Variants in FRMPD4 observed in about 807,000 individuals in gnomAD.
FRMPD4 encodes FERM and PDZ domain containing 4, also known as FERM and PDZ domain-containing protein 4.
A neutral mutation model predicts 94.1 loss-of-function variants in FRMPD4; 22 were observed. The ratio of observed to expected loss-of-function variants is 0.23; its 90% confidence interval spans 0.17 to 0.33. FRMPD4 has a LOEUF of 0.33. FRMPD4 is among the 10% of genes least tolerant of loss of function. The probability of loss-of-function intolerance (pLI) is 1.00; values close to 1 mark genes in which losing one functional copy is unlikely to be tolerated. For synonymous variants in FRMPD4, 631 were observed against 548.6 expected (o/e 1.15, Z -2.10); for missense variants, 1,111 against 1,339.9 (o/e 0.83, Z 2.67).
chrX:12,427,925 T>TTTTTTTTTTTTTTTG (rs2056967654), intron 1 of FRMPD4, among the ~76,000 whole-genome samples: 1 of 61,621 alleles, frequency 1.6e-5, no homozygotes. Flanking sequence ...TTTTTTTTTT[T>TTTTTTTTTTTTTTTG]TTGAGACGGA....
At chrX:11,946,499 CTCTT>C (rs1004080832) in intron 3 of FRMPD4, among the ~76,000 whole-genome samples, 2 of 111,645 alleles carry the variant, frequency 1.8e-5, no homozygotes, top group African/African-American at 6.5e-5. Flanking sequence ...AGTTGTAACT[CTCTT>C]TCCAGAGTTG....
In FRMPD4 at chrX:11,874,859, T is replaced by A. The variant is rs958315292; in HGVS notation, c.-29-3036T>A. Among the ~76,000 whole-genome samples, 25 of 111,621 alleles carry A rather than the reference T, an allele frequency of 2.2e-4. 1 individual carries two copies. Among genetic ancestry groups the A allele is most frequent in the Admixed American group, 2.0e-3 (21 of 10,553 alleles). ...ATGGTGTTTTAGTGGCAGGGAATAT[T>A]GAAAAAAAACAACAATAACAAATGT... On this transcript the variant is annotated intron_variant, in intron 2 of 18. Transcript: ENST00000640291.
intron 1 of FRMPD4, among the ~76,000 whole-genome samples, chrX:11,845,497 G>C (rs1305706306): frequency 7.3e-5 from 8 of 109,255 alleles, no homozygotes; most frequent in African/African-American, 3.3e-5. Flanking sequence ...CCAATCAATA[G>C]AAAAAGAGGG....
chrX:12,592,979 T>G (rs2058996754), intron 2 of FRMPD4, among the ~76,000 whole-genome samples: 3 of 111,946 alleles, frequency 2.7e-5, no homozygotes, highest in South Asian at 7.5e-4. Context: ...CCCAGGCACC[T>G]TTCTCCTCAA....
intron 4 of FRMPD4, among the ~76,000 whole-genome samples, chrX:12,634,560 A>G (rs2059425045): frequency 8.9e-6 from 1 of 111,872 alleles, no homozygotes; most frequent in Non-Finnish European, 1.9e-5. Context: ...TGATAATTTC[A>G]AAACTGAATA....
In FRMPD4 at chrX:12,649,123, G is replaced by A. The variant is rs192487071; in HGVS notation, c.423-25740G>A. The stretch of plus-strand genomic sequence containing the variant: ...GGAGTGACTGTCAGCCCCATAAGAC[G>A]GGATTCCATCCTGGGAGGCTGCACT... On this transcript the variant is annotated intron_variant, in intron 4 of 16. Transcript: ENST00000675598. Among the ~76,000 whole-genome samples, 104 of 111,920 alleles carry A rather than the reference G, an allele frequency of 9.3e-4. 1 individual carries two copies. The highest frequency in any genetic ancestry group is 4.7e-3 in the Middle Eastern group (1 of 215).
chrX:12,402,418 A>G (rs2056619765), intron 1 of FRMPD4, among the ~76,000 whole-genome samples: 1 of 111,441 alleles, frequency 9.0e-6, no homozygotes. Flanking sequence ...TACCCTGCTT[A>G]TAAGACCAAG....
intron 2 of FRMPD4, among the ~76,000 whole-genome samples, chrX:12,574,208 C>T (rs1435511721): frequency 1.8e-5 from 2 of 111,664 alleles, no homozygotes; most frequent in African/African-American, 6.5e-5. Context: ...CCATGTTGGC[C>T]AGGCTGGTCT....
chrX:12,677,579 A>T (rs2059912710), intron 5 of FRMPD4, among the ~76,000 whole-genome samples: 1 of 112,378 alleles, frequency 8.9e-6, no homozygotes, highest in Admixed American at 9.5e-5. Context: ...AGCAGACCAA[A>T]AGAAAGTCCA....
chrX:12,444,715 A>G lies in FRMPD4; in HGVS notation c.42-53965A>G, dbSNP rs145443328. Among the ~76,000 whole-genome samples the G allele has an allele frequency of 6.6e-3, 739 of 111,271 alleles. 9 individuals are homozygous for G. Among genetic ancestry groups the G allele is most frequent in the African/African-American group, 0.022 (680 of 30,589 alleles). On this transcript the variant is annotated intron_variant, in intron 1 of 16. Transcript: ENST00000675598. ...TCTTGCTGTATCATTGCATTATGGG[A>G]GGCAGAAGAGCAATAGAGTGCAAGA...
intron 1 of FRMPD4, among the ~76,000 whole-genome samples, chrX:12,227,778 A>G (rs900540382): frequency 9.2e-6 from 1 of 108,878 alleles, no homozygotes; most frequent in African/African-American, 3.4e-5. Context: ...TCCAGCCTGG[A>G]TGACAGAGTG....
intron 1 of FRMPD4, among the ~76,000 whole-genome samples, chrX:12,236,939 G>C (rs2057077272): frequency 8.9e-6 from 1 of 111,807 alleles, no homozygotes; most frequent in Non-Finnish European, 1.9e-5. Context: ...GGGGTTGCTA[G>C]TGACATCTAA....
chrX:11,993,665 A>G (rs1376437850), intron 3 of FRMPD4, among the ~76,000 whole-genome samples: 3 of 112,609 alleles, frequency 2.7e-5, no homozygotes, highest in African/African-American at 6.4e-5. Flanking sequence ...TGTATAAGTC[A>G]GGGATCTGAC....
At chrX:12,277,801 G>T (rs1036730171) in intron 1 of FRMPD4, among the ~76,000 whole-genome samples, 3 of 112,055 alleles carry the variant, frequency 2.7e-5, no homozygotes, top group Non-Finnish European at 5.6e-5. Context: ...TCATTATTTT[G>T]TAATTATGGC....
chrX:12,357,284 T>C (rs780937009), intron 1 of FRMPD4, among the ~76,000 whole-genome samples: 1 of 111,944 alleles, frequency 8.9e-6, no homozygotes, highest in Non-Finnish European at 1.9e-5. Context: ...TTAACTATAC[T>C]CAAAGGGCAA....
chrX:12,354,476 G>C (rs1419169617), intron 1 of FRMPD4, among the ~76,000 whole-genome samples: 1 of 111,895 alleles, frequency 8.9e-6, no homozygotes, highest in African/African-American at 3.2e-5. Flanking sequence ...ACTTATTAAA[G>C]AACTGGCTAC....
intron 1 of FRMPD4, among the ~76,000 whole-genome samples, chrX:12,343,560 C>A (rs2055651050): frequency 8.9e-6 from 1 of 111,788 alleles, no homozygotes; most frequent in Admixed American, 9.5e-5. Context: ...TGATGAAAAA[C>A]CACTCACCCC....
chrX:12,554,703 C>T (rs890683479), intron 2 of FRMPD4, among the ~76,000 whole-genome samples: 1 of 111,679 alleles, frequency 9.0e-6, no homozygotes, highest in Non-Finnish European at 1.9e-5. Flanking sequence ...GCCTCAACCT[C>T]CCAGGGCTCA....
At chrX:12,302,721 T>TA (rs775832756) in intron 1 of FRMPD4, among the ~76,000 whole-genome samples, 2 of 112,260 alleles carry the variant, frequency 1.8e-5, no homozygotes, top group East Asian at 5.5e-4. Context: ...TTATTCATTA[T>TA]AAAATCTTAG....
Sources: allele counts gnomAD v4.1 joint callset (sites outside exome capture counted in the v4.1 genomes callset), GRCh38; gene constraint gnomAD v4.1.1; transcripts MANE v1.5; gene names NCBI Gene and HGNC (gene_info 2026-07-23, HGNC 2026-07-21).